FRMPD1: variants seen among roughly 807,000 people sequenced by gnomAD.
The protein encoded by FRMPD1 is FERM and PDZ domain-containing protein 1.
In FRMPD1, 76 loss-of-function variants were observed where a neutral mutation model predicts 117.8. The ratio of observed to expected loss-of-function variants is 0.65; its 90% CI spans 0.54 to 0.78. FRMPD1 has a LOEUF of 0.78. Ranked by LOEUF, FRMPD1 falls within the 30% of genes least tolerant of loss-of-function variation. FRMPD1 has a pLI of 0.00. For synonymous variants in FRMPD1, 783 were observed against 770.4 expected, an observed-to-expected ratio of 1.02 and a Z score of -0.27; for missense variants, 1,786 against 1,964.5, an observed-to-expected ratio of 0.91 and a Z score of 1.72.
chr9:37,735,742 A>C lies in FRMPD1; in HGVS notation c.1401+8A>C. 2 of 1,599,872 alleles carry C rather than the reference A, an allele frequency of 1.3e-6. No individual in the cohort carries two copies. Among genetic ancestry groups the C allele is most frequent in the Non-Finnish European group, 1.7e-6 (2 of 1,168,300 alleles). ...TATCTTCAGGACGTCAAGGTAACACAATGGGGAGAGATTCTGAATTCAACT... is the reference window on the plus strand; with the variant it reads ...TATCTTCAGGACGTCAAGGTAACACCATGGGGAGAGATTCTGAATTCAACT... On this transcript the variant is annotated splice_region_variant and intron_variant, in intron 13 of 15. Coordinates refer to ENST00000377765, the MANE Select transcript of FRMPD1 (RefSeq NM_014907.3).
chr9:37,636,896 TTGTCCACCACCTTCTTGGTGG>T, the FRMPD1 span: 1 of 1,609,174 alleles, frequency 6.2e-7, no homozygotes, highest in Non-Finnish European at 8.5e-7. Flanking sequence ...GGCTGTGGTG[TTGTCCACCACCTTCTTGGTGG>T]TGAGGTCGCT....
At chr9:37,655,693 C>CA (rs1820821515) in intron 1 of FRMPD1, among the ~76,000 whole-genome samples, 1 of 151,742 alleles carries the variant, frequency 6.6e-6, no homozygotes, top group Non-Finnish European at 1.5e-5. Context: ...TTCGTAGAGA[C>CA]GGGGTTTCAC....
the FRMPD1 span, among the ~76,000 whole-genome samples, chr9:37,626,519 A>T: frequency 1.3e-5 from 2 of 148,320 alleles, no homozygotes; most frequent in African/African-American, 5.0e-5. Context: ...AAAAAAAAAA[A>T]AATTAAATGA....
the FRMPD1 span, among the ~76,000 whole-genome samples, chr9:37,634,761 C>CT: frequency 1.3e-5 from 2 of 150,752 alleles, no homozygotes; most frequent in African/African-American, 4.9e-5. Flanking sequence ...TTTTTTTCTT[C>CT]TTCTTTTTTT....
intron 1 of FRMPD1, among the ~76,000 whole-genome samples, chr9:37,685,839 T>C (rs1400205908): frequency 6.6e-6 from 1 of 152,242 alleles, no homozygotes; most frequent in African/African-American, 2.4e-5. Context: ...TTGGGCACTT[T>C]AGTTTCTTTT....
At chr9:37,717,307 A>ATATATATG (rs1306977618) in intron 5 of FRMPD1, among the ~76,000 whole-genome samples, 2 of 149,044 alleles carry the variant, frequency 1.3e-5, no homozygotes, top group Non-Finnish European at 1.5e-5. Context: ...AAAAAAATAT[A>ATATATATG]TATATATGTA....
At position 37,746,497 on chromosome 9, in the gene FRMPD1, G is replaced by T; in HGVS notation, c.4465G>T (p.Ala1489Ser). The T allele has an allele frequency of 1.2e-6, 2 of 1,613,636 alleles. No homozygotes were observed. Among genetic ancestry groups the T allele is most frequent in the Non-Finnish European group, 1.7e-6 (2 of 1,180,028 alleles). ...CCAGTCCCCCGAAGAGATGCAGGGG[G>T]CCGTGCGTGACACCTTCCAGCACCT... Reference protein sequence around the residue: ...MDQSPEEMQGAVRDTFQHLVQ... With the variant: ...MDQSPEEMQGSVRDTFQHLVQ... Residue 1489 changes from alanine to serine, a missense_variant, in exon 16 of 16, where the codon GCC becomes TCC. Transcript: ENST00000377765.
Position 37,686,798 on chromosome 9 carries a change from C to T in FRMPD1, c.-4-5840C>T, listed in dbSNP as rs1455802758. 2.0e-5 allele frequency among the ~76,000 whole-genome samples: 3 copies of T among 152,318 alleles called. No homozygotes were observed. In the South Asian group the frequency reaches 6.2e-4, roughly 32 times the overall value. On this transcript the variant is annotated intron_variant, in intron 1 of 15. Transcript: ENST00000377765. ...GTGGAAAGGCTCGATGGCCTTCAGT[C>T]CTATGGATATGTTCGAGATCCCTGA...
the FRMPD1 span, among the ~76,000 whole-genome samples, chr9:37,618,228 C>T: frequency 1.3e-5 from 2 of 152,338 alleles, no homozygotes; most frequent in East Asian, 1.9e-4. Context: ...AAGGACAAGA[C>T]ATCTGCAAGA....
the FRMPD1 span, among the ~76,000 whole-genome samples, chr9:37,622,185 A>G: frequency 6.6e-6 from 1 of 152,128 alleles, no homozygotes; most frequent in African/African-American, 2.4e-5. Context: ...GCCATATTGG[A>G]TATGCCCCTG....
At chr9:37,612,055 T>C in the FRMPD1 span, among the ~76,000 whole-genome samples, 25 of 152,334 alleles carry the variant, frequency 1.6e-4, no homozygotes, top group South Asian at 5.2e-3. Context: ...AAAATACACT[T>C]AAGCCCTTGT....
At chr9:37,627,875 A>G in the FRMPD1 span, among the ~76,000 whole-genome samples, 90,325 of 152,018 alleles carry the variant, frequency 0.59, 27,897 homozygotes, top group Non-Finnish European at 0.68. Context: ...GGGGAAAATG[A>G]GAGGTCCTTA....
Position 37,746,193 on chromosome 9 carries a change from C to T in FRMPD1, c.4161C>T (p.Ser1387=). ...VLPWRPARAH[S]CTTAPLSRKS... is the part of the protein sequence containing the mutation. ...CCTGGAGGCCTGCCCGAGCCCACAG[C>T]TGCACCACCGCACCCCTGTCGAGGA... Residue 1387 remains serine, a synonymous_variant, in exon 16 of 16, where the codon AGC becomes AGT. Coordinates refer to ENST00000377765, the MANE Select transcript of FRMPD1 (RefSeq NM_014907.3). 6.2e-7 allele frequency: 1 copy of T among 1,611,004 alleles called. No individual in the cohort carries two copies. The highest frequency in any genetic ancestry group is 8.5e-7 in the Non-Finnish European group (1 of 1,178,660).
chr9:37,645,158 A>G, the FRMPD1 span, among the ~76,000 whole-genome samples: 1 of 152,180 alleles, frequency 6.6e-6, no homozygotes, highest in Non-Finnish European at 1.5e-5. Context: ...GGCAGGAGTA[A>G]TAGATGCTGA....
At chr9:37,706,966 CCATCCATCCATT>C (rs1470314285) in intron 2 of FRMPD1, among the ~76,000 whole-genome samples, 4 of 151,710 alleles carry the variant, frequency 2.6e-5, no homozygotes, top group Admixed American at 6.6e-5. Context: ...ATCCATCCAT[CCATCCATCCATT>C]CATTCATTGA....
intron 2 of FRMPD1, among the ~76,000 whole-genome samples, chr9:37,695,290 T>G (rs1217961339): frequency 6.6e-6 from 1 of 152,208 alleles, no homozygotes; most frequent in Non-Finnish European, 1.5e-5. Context: ...TGTGAGAGTT[T>G]CAGTGCCTCT....
rs145305260 is a variant in FRMPD1 at position 37,740,853 on chromosome 9, T to G, written c.2325T>G (p.Ala775=). The G allele has an allele frequency of 1.4e-4, 219 of 1,614,072 alleles. No individual in the cohort carries two copies. In the African/African-American group the frequency reaches 2.6e-3, roughly 19 times the overall value. Residue 775 remains alanine (A), a synonymous_variant, in exon 15 of 16, where the codon GCT becomes GCG. Coordinates refer to ENST00000377765, the MANE Select transcript of FRMPD1 (RefSeq NM_014907.3). This position sits in a 1 kb window ranked among gnomAD's most constrained non-coding sequence, Gnocchi z 4.2. ...GSSDEEYYDA[A]DKLTPPGPPS... ...CAGATGAGGAATACTATGACGCGGC[T>G]GATAAGCTCACTCCCCCAGGCCCCC...
At chr9:37,613,610 G>C in the FRMPD1 span, among the ~76,000 whole-genome samples, 1 of 152,184 alleles carries the variant, frequency 6.6e-6, no homozygotes, top group East Asian at 1.9e-4. Flanking sequence ...TCTGAAGACA[G>C]GGTAGTCAAC....
At chr9:37,608,408 C>CTCTT in the FRMPD1 span, among the ~76,000 whole-genome samples, 1 of 143,762 alleles carries the variant, frequency 7.0e-6, no homozygotes, top group Admixed American at 7.2e-5. Flanking sequence ...CTATCTTTCT[C>CTCTT]TCTTTCTTTC....
Sources: allele counts gnomAD v4.1 joint callset (sites outside exome capture counted in the v4.1 genomes callset), GRCh38; gene constraint gnomAD v4.1.1; non-coding constraint Gnocchi (gnomAD v3.1); transcripts MANE v1.5; gene names NCBI Gene and HGNC (gene_info 2026-07-23, HGNC 2026-07-21).